CDH13: variants seen among roughly 807,000 people sequenced by gnomAD.
The protein encoded by CDH13 is cadherin 13.
A neutral mutation model predicts 63.8 loss-of-function variants in CDH13; 24 were observed. The ratio of observed to expected loss-of-function variants is 0.38; its 90% confidence interval spans 0.27 to 0.53. The LOEUF is 0.53. Among genes scored for constraint, CDH13 ranks in the 20% least tolerant of loss-of-function variants. CDH13 has a pLI of 0.85. For missense variants in CDH13, 1,049 were observed against 903.1 expected (o/e 1.16, Z -2.07); for synonymous variants, 503 against 355.3 (o/e 1.42, Z -4.67).
rs67228844 is a variant in CDH13, at chr16:83,087,671, C to CAAAAAAAAAAAAA, written c.367-37700_367-37688dup. On this transcript the variant is annotated intron_variant, in intron 3 of 13. Transcript: ENST00000567109. ...CGACGAAGCAAGACTCCCTCCGTCT[C>CAAAAAAAAAAAAA]AAAAAAAAAAAAAAAAAAAAAAAAA... 3.9e-4 allele frequency among the ~76,000 whole-genome samples: 17 copies of CAAAAAAAAAAAAA among 44,000 alleles called. 3 individuals carry two copies. The highest frequency in any genetic ancestry group is 1.3e-3 in the African/African-American group (15 of 11,450). 28.9% of individuals were successfully genotyped at this position (44,000 alleles called of 152,430 possible). A position where few individuals can be genotyped will look rare whatever the true frequency, so the allele number is the denominator to read the frequency against.
chr16:83,623,313 C>A (rs373201401), intron 8 of CDH13, among the ~76,000 whole-genome samples: 125 of 152,302 alleles, frequency 8.2e-4, no homozygotes, highest in African/African-American at 2.9e-3. Context: ...TCACGATTAA[C>A]GGGCTCTCTT....
intron 11 of CDH13, among the ~76,000 whole-genome samples, chr16:83,761,625 C>T (rs989112336): frequency 6.6e-6 from 1 of 152,122 alleles, no homozygotes; most frequent in African/African-American, 2.4e-5. Context: ...GCTCAAACTC[C>T]GAGACTGGCA....
intron 5 of CDH13, among the ~76,000 whole-genome samples, chr16:83,249,615 C>T (rs183710907): frequency 3.9e-5 from 6 of 152,262 alleles, no homozygotes; most frequent in East Asian, 1.9e-4. Flanking sequence ...GATCTGACAC[C>T]GTGTGTCTGA....
intron 5 of CDH13, among the ~76,000 whole-genome samples, chr16:83,258,771 TAATTA>T (rs1428698581): frequency 6.6e-6 from 1 of 152,204 alleles, no homozygotes; most frequent in Non-Finnish European, 1.5e-5. Context: ...CTAATTGAGT[TAATTA>T]AAAGTTAATG....
chr16:83,217,872 C>T (rs796845274), intron 5 of CDH13, among the ~76,000 whole-genome samples: 13 of 152,232 alleles, frequency 8.5e-5, no homozygotes, highest in African/African-American at 3.1e-4. Context: ...AAGACATGGT[C>T]CTTAGGGTGA....
chr16:83,526,719 C>G (rs1598222381), intron 7 of CDH13, among the ~76,000 whole-genome samples: 2 of 152,334 alleles, frequency 1.3e-5, no homozygotes, highest in South Asian at 2.1e-4. Context: ...TTTCACTTCC[C>G]CAGCCCAGCC....
intron 1 of CDH13, among the ~76,000 whole-genome samples, chr16:82,667,413 A>T (rs1912721506): frequency 6.6e-6 from 1 of 152,184 alleles, no homozygotes; most frequent in Admixed American, 6.5e-5. Context: ...AGCCTGCCTC[A>T]CCAGGATGTG....
intron 3 of CDH13, among the ~76,000 whole-genome samples, chr16:83,081,662 C>G (rs986646399): frequency 2.0e-5 from 3 of 151,808 alleles, no homozygotes; most frequent in African/African-American, 7.3e-5. Context: ...AGACAGCTGC[C>G]TTTTCATTGT....
chr16:83,601,738 A>G (rs959600872), intron 7 of CDH13, among the ~76,000 whole-genome samples: 1 of 152,120 alleles, frequency 6.6e-6, no homozygotes, highest in African/African-American at 2.4e-5. Context: ...ATCAAAGGTA[A>G]CCTCATTTTC....
Position 82,855,829 on chromosome 16 carries a change from C to T in CDH13, c.46-2533C>T, listed in dbSNP as rs567957581. Among the ~76,000 whole-genome samples the T allele has an allele frequency of 5.3e-5, 8 of 152,298 alleles. No individual in the cohort carries two copies. In the East Asian group the frequency reaches 1.4e-3, roughly 26 times the overall value. ...CACGGTGAACCTCCTGAGATTGATT[C>T]TTGCTCCCTTCTTTGGGGTTCAGTG... On this transcript the variant is annotated intron_variant, in intron 1 of 13. Coordinates refer to ENST00000567109, the MANE Select transcript of CDH13 (RefSeq NM_001257.5).
At chr16:83,560,441 C>T (rs2075683215) in intron 7 of CDH13, among the ~76,000 whole-genome samples, 1 of 152,096 alleles carries the variant, frequency 6.6e-6, no homozygotes, top group African/African-American at 2.4e-5. Context: ...AAATATTGCA[C>T]GTTACCACAT....
chr16:83,349,634 C>T (rs11641116), intron 6 of CDH13, among the ~76,000 whole-genome samples: 41,017 of 151,294 alleles, frequency 0.27, 6,770 homozygotes, highest in South Asian at 0.4. Flanking sequence ...GAGTTTTGCT[C>T]TTGTTGCCCA....
intron 6 of CDH13, among the ~76,000 whole-genome samples, chr16:83,445,288 G>C (rs933363670): frequency 3.7e-5 from 5 of 136,014 alleles, no homozygotes; most frequent in African/African-American, 1.3e-4. Context: ...ATTTATAAAA[G>C]GTTTTATAAA....
chr16:82,814,646 C>T (rs560449967), intron 1 of CDH13, among the ~76,000 whole-genome samples: 1 of 152,300 alleles, frequency 6.6e-6, no homozygotes, highest in African/African-American at 2.4e-5. Flanking sequence ...CATCTATACT[C>T]TTTGTAATAT....
At chr16:82,765,595 A>G (rs1475795693) in intron 1 of CDH13, among the ~76,000 whole-genome samples, 3 of 152,202 alleles carry the variant, frequency 2.0e-5, no homozygotes, top group African/African-American at 4.8e-5. Flanking sequence ...TGAGAAAATC[A>G]TGTGGCATAA....
rs138769495 is a variant in CDH13, at chr16:83,567,330, C to G, written c.961-35124C>G. Among the ~76,000 whole-genome samples, 8 of 152,312 alleles carry G rather than the reference C, an allele frequency of 5.3e-5. No individual in the cohort carries two copies. The Middle Eastern group carries it at 0.01, about 194-fold the overall frequency. On this transcript the variant is annotated intron_variant, in intron 7 of 13. Coordinates refer to ENST00000567109, the MANE Select transcript of CDH13 (RefSeq NM_001257.5). ...TGGTTCTTGGCACATAGTGGGTGAA[C>G]TCACACAGACTAGAGATAAATCAGA... is the stretch of plus-strand genomic sequence containing the variant.
At position 82,667,909 on chromosome 16, in the gene CDH13, G is replaced by A. The variant is rs75326064; in HGVS notation, c.45+40772G>A. On this transcript the variant is annotated intron_variant, in intron 1 of 13. Transcript: ENST00000567109. ...CTGTCTCAAAATGAGATAAGTTAAA[G>A]CCTAATACAGTTTTTTAGAAACACC... Among the ~76,000 whole-genome samples, 3,868 of 152,252 alleles carry A rather than the reference G, an allele frequency of 0.025. 285 individuals carry two copies. The East Asian group carries it at 0.3, about 12-fold the overall frequency.
At chr16:83,391,715 T>G (rs1019283836) in intron 6 of CDH13, among the ~76,000 whole-genome samples, 2 of 152,138 alleles carry the variant, frequency 1.3e-5, no homozygotes, top group Non-Finnish European at 2.9e-5. Context: ...AGGTCTGTTT[T>G]GCATTGTCAC....
intron 3 of CDH13, among the ~76,000 whole-genome samples, chr16:83,120,763 CT>C (rs750711823): frequency 5.1e-4 from 31 of 60,226 alleles, no homozygotes; most frequent in Admixed American, 4.7e-3. Context: ...AATTTTCTTT[CT>C]TTTTTTTTTT....
Sources: gnomAD v4.1 joint callset for allele counts (sites outside exome capture counted in the v4.1 genomes callset) on GRCh38, gnomAD v4.1.1 for gene constraint, MANE v1.5 for transcripts, NCBI Gene and HGNC (gene_info 2026-07-23, HGNC 2026-07-21) for gene names.